ICE1: variants seen among roughly 807,000 people sequenced by gnomAD.
ICE1 encodes little elongation complex subunit 1.
A neutral mutation model predicts 192.7 loss-of-function variants in ICE1; 64 were observed. The observed-to-expected ratio is 0.33, with a 90% CI of 0.27 to 0.41. The LOEUF (loss-of-function observed/expected upper bound fraction) is 0.41. Among genes scored for constraint, ICE1 ranks in the 10% least tolerant of loss-of-function variants. ICE1 has a pLI of 1.00. For missense variants in ICE1, 2,708 were observed against 2,696.0 expected, an observed-to-expected ratio of 1.00 and a Z score of -0.10; for synonymous variants, 1,010 against 984.5, an observed-to-expected ratio of 1.03 and a Z score of -0.49.
Position 5,461,933 on chromosome 5 carries a change from C to T in ICE1, c.2599C>T (p.Pro867Ser). 1 of 1,613,882 alleles carries T rather than the reference C, an allele frequency of 6.2e-7. No homozygotes were observed. The highest frequency in any genetic ancestry group is 8.5e-7 in the Non-Finnish European group (1 of 1,179,892). ...QVSVITKQTR[P>S]EKVQSAKLEH... ...ATCAGTTATCACAAAACAGACAAGA[C>T]CTGAAAAGGTTCAGAGTGCCAAATT... Residue 867 changes from proline (P) to serine (S), a missense_variant, in exon 13 of 19, where the codon CCT becomes TCT. This residue lies in a region of ICE1 where 2,366 missense variants were observed against 2,276.6 expected (regional missense o/e 1.04). Transcript: ENST00000296564.
intron 1 of ICE1, among the ~76,000 whole-genome samples, chr5:5,435,165 T>C (rs915498068): frequency 6.6e-6 from 1 of 152,194 alleles, no homozygotes; most frequent in Non-Finnish European, 1.5e-5. Context: ...TCCAAAAATA[T>C]ATTTTATATA....
At chr5:5,472,802 T>C (rs901325252) in intron 15 of ICE1, among the ~76,000 whole-genome samples, 2 of 152,200 alleles carry the variant, frequency 1.3e-5, no homozygotes, top group Non-Finnish European at 2.9e-5. Context: ...CATGCAGTGC[T>C]GGTGGAAACG....
Position 5,460,547 on chromosome 5 carries a change from G to T in ICE1, c.1213G>T (p.Gly405Cys). 6.2e-7 allele frequency: 1 copy of T among 1,611,788 alleles called. No individual in the cohort carries two copies. The highest frequency in any genetic ancestry group is 8.5e-7 in the Non-Finnish European group (1 of 1,178,732). The change falls in exon 13 of 19, where the codon GGC becomes TGC. Residue 405 changes from glycine (G) to cysteine (C), a missense_variant. Transcript: ENST00000296564. Reference sequence around the variant, plus strand: ...TACAACTGAATCACAGAATTATTTTGGCTCATTGAGAAAAAATAAAGGAAG... The same window carrying T: ...TACAACTGAATCACAGAATTATTTTTGCTCATTGAGAAAAAATAAAGGAAG... Reference protein sequence around the residue: ...DDTTESQNYFGSLRKNKGSGT... With the variant: ...DDTTESQNYFCSLRKNKGSGT...
At chr5:5,468,619 A>G (rs1739062895) in intron 14 of ICE1, among the ~76,000 whole-genome samples, 1 of 152,266 alleles carries the variant, frequency 6.6e-6, no homozygotes, top group Non-Finnish European at 1.5e-5. Flanking sequence ...GACACATACC[A>G]AATGGGAGAA....
At chr5:5,423,664 C>G (rs963907643) in intron 1 of ICE1, among the ~76,000 whole-genome samples, 9 of 152,186 alleles carry the variant, frequency 5.9e-5, no homozygotes, top group African/African-American at 2.2e-4. Flanking sequence ...TAGAGTATGG[C>G]TCCAGATCTT....
At chr5:5,458,933 C>T (rs894914451) in intron 12 of ICE1, among the ~76,000 whole-genome samples, 4 of 151,960 alleles carry the variant, frequency 2.6e-5, no homozygotes, top group Non-Finnish European at 5.9e-5. Context: ...AGCACAGTGG[C>T]GCGATCTCGG....
In ICE1 at chr5:5,447,304, T is replaced by C. The variant is rs142369754; in HGVS notation, c.425-123T>C. 1,099 of 672,950 alleles carry C rather than the reference T, an allele frequency of 1.6e-3. 12 individuals are homozygous for C. The African/African-American group carries it at 0.019, about 12-fold the overall frequency. The allele number at this position is 672,950 out of a possible 1,614,324, so 41.7% of individuals were successfully genotyped here. A position where few individuals can be genotyped will look rare whatever the true frequency, so the allele number is the denominator to read the frequency against. On this transcript the variant is annotated intron_variant, in intron 7 of 18. Coordinates refer to ENST00000296564, the MANE Select transcript of ICE1 (RefSeq NM_015325.3). ...AAGGAGCAATGGCTTTTTACGAAATTTATTTCAAACTTTTAAGAAATGAGA... is the reference window on the plus strand; with the variant it reads ...AAGGAGCAATGGCTTTTTACGAAATCTATTTCAAACTTTTAAGAAATGAGA...
chr5:5,484,795 G>A (rs1290497626), intron 17 of ICE1, among the ~76,000 whole-genome samples: 1 of 152,166 alleles, frequency 6.6e-6, no homozygotes, highest in East Asian at 1.9e-4. Context: ...CTCATATGCT[G>A]GATCCACATA....
rs975639718 is a variant in ICE1 at position 5,441,217 on chromosome 5, G to A, written c.303G>A (p.Glu101=). The A allele has an allele frequency of 6.5e-7, 1 of 1,533,644 alleles. No homozygotes were observed. Among genetic ancestry groups the A allele is most frequent in the South Asian group, 1.2e-5 (1 of 83,598 alleles). The change falls in exon 5 of 19, where the codon GAG becomes GAA. Residue 101 remains glutamate, a synonymous_variant. Coordinates refer to ENST00000296564, the MANE Select transcript of ICE1 (RefSeq NM_015325.3). The part of the protein sequence containing the change: ...ELGSLKAELE[E]KKSSLKLYQD... The stretch of plus-strand genomic sequence containing the variant: ...GATCTTTAAAAGCAGAGCTAGAAGA[G>A]AAAAAGGTATGAACAATAATTTTCT...
intron 17 of ICE1, among the ~76,000 whole-genome samples, chr5:5,479,022 C>G (rs1467161134): frequency 6.6e-6 from 1 of 152,150 alleles, no homozygotes; most frequent in Admixed American, 6.5e-5. Flanking sequence ...CAATACCATT[C>G]AGGACATAGG....
chr5:5,480,143 T>G (rs1739454859), intron 17 of ICE1, among the ~76,000 whole-genome samples: 1 of 152,178 alleles, frequency 6.6e-6, no homozygotes, highest in South Asian at 2.1e-4. Context: ...CATGTATTCT[T>G]TGCCCCTGGG....
intron 12 of ICE1, among the ~76,000 whole-genome samples, chr5:5,458,858 G>A (rs1738663438): frequency 6.6e-6 from 1 of 152,110 alleles, no homozygotes; most frequent in East Asian, 1.9e-4. Flanking sequence ...GGCTTAATAA[G>A]CAGCTCGCTT....
At chr5:5,449,473 AC>A (rs1738351547) in intron 10 of ICE1, among the ~76,000 whole-genome samples, 1 of 151,784 alleles carries the variant, frequency 6.6e-6, no homozygotes. Flanking sequence ...AAAAAAAAAA[AC>A]AAAAACAGCA....
chr5:5,457,354 C>T lies in ICE1; in HGVS notation c.714C>T (p.Thr238=). The change falls in exon 12 of 19, where the codon ACC becomes ACT. Residue 238 remains threonine (T), a synonymous_variant. Transcript: ENST00000296564. ...TAGAAAAACCTGCCAAAGCAATCAC[C>T]AGCTCCAGAGTGCCTGGGGAAGATG... ...CVPEKPAKAI[T]SSRVPGEDGT... 1 of 1,605,310 alleles carries T rather than the reference C, an allele frequency of 6.2e-7. No individual in the cohort carries two copies. Among genetic ancestry groups the T allele is most frequent in the African/African-American group, 1.3e-5 (1 of 74,548 alleles).
chr5:5,459,015 G>A (rs977375452), intron 12 of ICE1, among the ~76,000 whole-genome samples: 3 of 152,132 alleles, frequency 2.0e-5, no homozygotes, highest in African/African-American at 7.2e-5. Flanking sequence ...TGGGACTACA[G>A]GCGCCCGCCA....
In ICE1 at chr5:5,460,868, A is replaced by G. The variant is rs767333684; in HGVS notation, c.1534A>G (p.Arg512Gly). 6.2e-7 allele frequency: 1 copy of G among 1,614,042 alleles called. No homozygotes were observed. The highest frequency in any genetic ancestry group is 1.1e-5 in the South Asian group (1 of 91,086). Reference sequence around the variant, plus strand: ...ACTCACTCGAGGTCTATGCATTGAGAGATTGTCTGCCAGCCCTGCACAAGA... The same window carrying G: ...ACTCACTCGAGGTCTATGCATTGAGGGATTGTCTGCCAGCCCTGCACAAGA... ...HKLTRGLCIERLSASPAQEKE... is the reference protein window; with the variant it reads ...HKLTRGLCIEGLSASPAQEKE... Residue 512 changes from arginine to glycine, a missense_variant, in exon 13 of 19, where the codon AGA (arginine) becomes GGA (glycine). Arg to Gly is a moderately radical substitution (Grantham distance 125, BLOSUM62 -2). This residue lies in a region of ICE1 where 2,366 missense variants were observed against 2,276.6 expected (regional missense o/e 1.04). Transcript: ENST00000296564.
chr5:5,437,382 T>G (rs1193953675), intron 3 of ICE1: 1 of 336,542 alleles, frequency 3.0e-6, no homozygotes, highest in African/African-American at 2.1e-5. Flanking sequence ...GGGTTTCTCT[T>G]AATTTGTACT....
At chr5:5,445,739 T>A (rs975263420) in intron 7 of ICE1, among the ~76,000 whole-genome samples, 12 of 151,914 alleles carry the variant, frequency 7.9e-5, no homozygotes, top group Non-Finnish European at 1.8e-4. Context: ...AAAAGAATTT[T>A]TTTTTTTTTT....
In ICE1 at chr5:5,464,989, G is replaced by A; in HGVS notation, c.5655G>A (p.Glu1885=). 1 of 1,613,882 alleles carries A rather than the reference G, an allele frequency of 6.2e-7. No individual in the cohort carries two copies. Among genetic ancestry groups the A allele is most frequent in the Non-Finnish European group, 8.5e-7 (1 of 1,179,840 alleles). The change falls in exon 13 of 19, where the codon GAG becomes GAA. Residue 1885 remains glutamate, a synonymous_variant. Coordinates refer to ENST00000296564, the MANE Select transcript of ICE1 (RefSeq NM_015325.3). The surrounding 1 kb of genome is among the most constrained non-coding windows in gnomAD (Gnocchi z 4.0). ...CAGCTGAAGTTGCAACAACAAATGA[G>A]GAAAGAAGTTGTTCTAGTCCAGCCG... ...LPPAEVATTN[E]ERSCSSPAVS...
Sources: allele counts gnomAD v4.1 joint callset (sites outside exome capture counted in the v4.1 genomes callset), GRCh38; gene constraint gnomAD v4.1.1; regional missense constraint gnomAD v4.1.1; non-coding constraint Gnocchi (gnomAD v3.1); transcripts MANE v1.5; gene names NCBI Gene and HGNC (gene_info 2026-07-23, HGNC 2026-07-21).